CDH4: variants seen among roughly 807,000 people sequenced by gnomAD.
The protein encoded by CDH4 is cadherin-4.
CDH4 carries 33 observed loss-of-function variants against 86.0 expected under a neutral mutation model. That is an observed-to-expected ratio of 0.38 (90% CI 0.29 to 0.51). The LOEUF is 0.51. Ranked by LOEUF, CDH4 falls within the 20% of genes least tolerant of loss-of-function variation. The pLI is 0.86. For synonymous variants in CDH4, 555 were observed against 549.4 expected, an observed-to-expected ratio of 1.01 and a Z score of -0.14; for missense variants, 1,114 against 1,307.4, an observed-to-expected ratio of 0.85 and a Z score of 2.28.
At chr20:61,453,940 T>C (rs971080002) in intron 2 of CDH4, among the ~76,000 whole-genome samples, 13 of 152,214 alleles carry the variant, frequency 8.5e-5, no homozygotes, top group Non-Finnish European at 1.5e-4. Context: ...TCTGCACTTC[T>C]TCCTGCCGCC....
chr20:61,767,006 G>C (rs2088707417), intron 3 of CDH4, among the ~76,000 whole-genome samples: 1 of 152,254 alleles, frequency 6.6e-6, no homozygotes, highest in Non-Finnish European at 1.5e-5. Context: ...AGGTCAGACA[G>C]CTTGGGCTCC....
At chr20:61,424,475 C>G (rs546756952) in intron 2 of CDH4, among the ~76,000 whole-genome samples, 5 of 151,930 alleles carry the variant, frequency 3.3e-5, no homozygotes, top group Non-Finnish European at 7.4e-5. Context: ...ATATGCATAT[C>G]CACACATAGC....
At chr20:61,889,602 T>TGGATAGGTGGATGATG (rs371994886) in intron 7 of CDH4, among the ~76,000 whole-genome samples, 1 of 8,810 alleles carries the variant, frequency 1.1e-4, no homozygotes, top group Non-Finnish European at 3.6e-4. Context: ...GATGGATGGA[T>TGGATAGGTGGATGATG]GATGGGTGGA....
At chr20:61,817,995 G>GCTGCC (rs1415663797) in intron 4 of CDH4, among the ~76,000 whole-genome samples, 1 of 152,198 alleles carries the variant, frequency 6.6e-6, no homozygotes, top group African/African-American at 2.4e-5. Flanking sequence ...ACCTGGGGCA[G>GCTGCC]CTGCCCTGTC....
At chr20:61,746,482 C>T (rs574793309) in intron 3 of CDH4, among the ~76,000 whole-genome samples, 70 of 152,322 alleles carry the variant, frequency 4.6e-4, no homozygotes, top group African/African-American at 1.6e-3. Context: ...GATGAGGGTG[C>T]TGAGCATGTG....
chr20:61,873,155 C>T (rs1001931587), intron 6 of CDH4, among the ~76,000 whole-genome samples: 7 of 152,210 alleles, frequency 4.6e-5, no homozygotes, highest in African/African-American at 1.2e-4. Flanking sequence ...AGTCCCAGGG[C>T]GCCCCCAGAT....
chr20:61,618,805 G>A (rs1243877980), intron 2 of CDH4, among the ~76,000 whole-genome samples: 2 of 152,210 alleles, frequency 1.3e-5, no homozygotes, highest in Non-Finnish European at 2.9e-5. Flanking sequence ...AGGTTTCTAT[G>A]GCAAGTGGTG....
intron 4 of CDH4, among the ~76,000 whole-genome samples, chr20:61,818,016 TC>T (rs1395745272): frequency 6.6e-6 from 1 of 151,996 alleles, no homozygotes; most frequent in African/African-American, 2.4e-5. Flanking sequence ...ACCTGCACTT[TC>T]TTTTTTTTTT....
chr20:61,917,947 C>A (rs1009025423), intron 9 of CDH4, among the ~76,000 whole-genome samples: 1 of 152,228 alleles, frequency 6.6e-6, no homozygotes, highest in African/African-American at 2.4e-5. Flanking sequence ...ATTCCATGTC[C>A]CCGGGAACAT....
intron 2 of CDH4, among the ~76,000 whole-genome samples, chr20:61,604,176 G>GAATACAATATTTTTGTGTC (rs1277950714): frequency 6.6e-6 from 1 of 152,212 alleles, no homozygotes; most frequent in East Asian, 1.9e-4. Flanking sequence ...TGTGTCCAAA[G>GAATACAATATTTTTGTGTC]CTAAGAATAC....
At chr20:61,388,960 T>C (rs2084966547) in intron 2 of CDH4, among the ~76,000 whole-genome samples, 1 of 152,254 alleles carries the variant, frequency 6.6e-6, no homozygotes, top group African/African-American at 2.4e-5. Flanking sequence ...TCCAATCTTT[T>C]CACATTTGAA....
At chr20:61,331,653 A>AGACCCACCTCCTGCCCTG (rs2084578469) in intron 2 of CDH4, among the ~76,000 whole-genome samples, 1 of 22,716 alleles carries the variant, frequency 4.4e-5, no homozygotes, top group Non-Finnish European at 8.8e-5. Context: ...CTCCCGCCCC[A>AGACCCACCTCCTGCCCTG]GCCACCTGCC....
At chr20:61,886,599 G>C (rs1436540668) in intron 7 of CDH4, among the ~76,000 whole-genome samples, 2 of 152,216 alleles carry the variant, frequency 1.3e-5, no homozygotes, top group Non-Finnish European at 2.9e-5. Flanking sequence ...GAGGGTTGAC[G>C]TGGGGAGCAG....
intron 2 of CDH4, among the ~76,000 whole-genome samples, chr20:61,702,228 C>T (rs2087784540): frequency 6.6e-6 from 1 of 152,196 alleles, no homozygotes; most frequent in Admixed American, 6.5e-5. Flanking sequence ...CTCATAGGAC[C>T]ATTTCTGACA....
At chr20:61,814,199 G>A (rs1980596747) in intron 4 of CDH4, among the ~76,000 whole-genome samples, 1 of 152,232 alleles carries the variant, frequency 6.6e-6, no homozygotes, top group Admixed American at 6.5e-5. Flanking sequence ...TTTGTAGGCA[G>A]TGAGGCCTGA....
chr20:61,561,748 A>G (rs2086217740), intron 2 of CDH4, among the ~76,000 whole-genome samples: 1 of 152,250 alleles, frequency 6.6e-6, no homozygotes, highest in Non-Finnish European at 1.5e-5. Context: ...CAAAATGAGC[A>G]TGTTTACTAT....
intron 10 of CDH4, 36 bp from the exon 11 acceptor site, chr20:61,924,298 C>T: frequency 6.3e-7 from 1 of 1,578,632 alleles, no homozygotes; most frequent in Non-Finnish European, 8.7e-7. Flanking sequence ...CGCCCACCCC[C>T]AGCCTTACCT....
chr20:61,449,640 A>AT (rs199889978), intron 2 of CDH4, among the ~76,000 whole-genome samples: 108 of 152,062 alleles, frequency 7.1e-4, no homozygotes, highest in Admixed American at 1.8e-3. Flanking sequence ...ATGGTAGAGA[A>AT]TTAAAAAAAA....
intron 7 of CDH4, among the ~76,000 whole-genome samples, chr20:61,878,145 T>C (rs767931206): frequency 8.1e-4 from 123 of 152,246 alleles, no homozygotes; most frequent in Non-Finnish European, 1.4e-3. Context: ...GGCCATGGCG[T>C]CCTCATTTCC....
Sources: allele counts gnomAD v4.1 joint callset (sites outside exome capture counted in the v4.1 genomes callset), GRCh38; gene constraint gnomAD v4.1.1; transcripts MANE v1.5; gene names NCBI Gene and HGNC (gene_info 2026-07-23, HGNC 2026-07-21).